Variants in ANKRD28 observed in about 807,000 individuals in gnomAD.
The protein encoded by ANKRD28 is serine/threonine-protein phosphatase 6 regulatory ankyrin repeat subunit A.
Under a neutral mutation model 126.5 loss-of-function variants are expected in ANKRD28, and 44 were observed. The observed-to-expected ratio is 0.35, with a 90% confidence interval of 0.27 to 0.45. ANKRD28 has a LOEUF of 0.45. Ranked by LOEUF, ANKRD28 falls within the 20% of genes least tolerant of loss-of-function variation. ANKRD28 has a pLI of 1.00. For missense variants in ANKRD28, 1,110 were observed against 1,316.6 expected (o/e 0.84, Z 2.43); for synonymous variants, 442 against 468.5 (o/e 0.94, Z 0.73).
intron 3 of ANKRD28, among the ~76,000 whole-genome samples, chr3:15,755,084 G>A (rs147101602): frequency 3.3e-5 from 5 of 152,090 alleles, no homozygotes; most frequent in Non-Finnish European, 5.9e-5. Context: ...AGCCTAGACC[G>A]TGCCATTGCA....
At chr3:15,819,152 C>T (rs2060891011) in intron 1 of ANKRD28, among the ~76,000 whole-genome samples, 1 of 152,128 alleles carries the variant, frequency 6.6e-6, no homozygotes, top group African/African-American at 2.4e-5. Flanking sequence ...ATGGCGTCCA[C>T]CTGTAGTCCC....
chr3:15,699,851 G>A (rs1258301369), intron 14 of ANKRD28, among the ~76,000 whole-genome samples: 3 of 152,206 alleles, frequency 2.0e-5, no homozygotes, highest in Non-Finnish European at 4.4e-5. Flanking sequence ...TCTAGAACTA[G>A]AAATACCATT....
chr3:15,715,049 T>A (rs1055300369), intron 8 of ANKRD28, among the ~76,000 whole-genome samples: 8 of 148,522 alleles, frequency 5.4e-5, no homozygotes, highest in Non-Finnish European at 1.1e-4. Context: ...TTTAAAAAAA[T>A]AAATACAAAT....
chr3:15,760,656 C>T (rs1575576123), intron 3 of ANKRD28, among the ~76,000 whole-genome samples: 1 of 151,860 alleles, frequency 6.6e-6, no homozygotes, highest in African/African-American at 2.4e-5. Context: ...GAAGAGGAGA[C>T]CTCAAAGAAA....
At chr3:15,694,554 C>T (rs1336436445) in intron 17 of ANKRD28, among the ~76,000 whole-genome samples, 185 bp downstream of exon 17, 1 of 141,378 alleles carries the variant, frequency 7.1e-6, no homozygotes, top group East Asian at 2.0e-4. Context: ...ACAGAAAAAA[C>T]AAAAACAAAA....
At position 15,677,025 on chromosome 3, in the gene ANKRD28, T is replaced by G. The variant is rs755489229; in HGVS notation, c.2822A>C (p.Glu941Ala). The change falls in exon 26 of 28, where the codon GAA becomes GCA. Residue 941 changes from glutamate to alanine, a missense_variant. Glu to Ala is a moderately radical substitution (Grantham distance 107). Transcript: ENST00000683139. ...GHETSALLILEKITDRNLINA... is the reference protein window; with the variant it reads ...GHETSALLILAKITDRNLINA... ...GATGAGGTTTCTATCTGTTATCTTT[T>G]CCAGTATTAACAAGGCACTAGTTTC... 3.1e-6 allele frequency: 5 copies of G among 1,613,466 alleles called. No homozygotes were observed. Among genetic ancestry groups the G allele is most frequent in the Non-Finnish European group, 4.2e-6 (5 of 1,179,608 alleles).
At chr3:15,730,913 A>T (rs1168439337) in intron 6 of ANKRD28, among the ~76,000 whole-genome samples, 1 of 152,138 alleles carries the variant, frequency 6.6e-6, no homozygotes, top group African/African-American at 2.4e-5. Context: ...GTCCTCACGA[A>T]CATATCAATG....
At position 15,782,198 on chromosome 3, in the gene ANKRD28, C is replaced by T. The variant is rs993295510; in HGVS notation, c.201+13025G>A. 3.9e-5 allele frequency among the ~76,000 whole-genome samples: 6 copies of T among 151,986 alleles called. No individual in the cohort carries two copies. In the East Asian group the frequency reaches 5.8e-4, roughly 15 times the overall value. ...GTGATATCACCTCCAACGAGAATGA[C>T]GGATCACAGAGAACAGAGTGTTCTG... On this transcript the variant is annotated intron_variant, in intron 2 of 27. Coordinates refer to ENST00000683139, the MANE Select transcript of ANKRD28 (RefSeq NM_001349278.2).
upstream of ANKRD28, among the ~76,000 whole-genome samples, chr3:15,799,427 T>A (rs182999999): frequency 6.6e-5 from 10 of 152,054 alleles, no homozygotes; most frequent in Admixed American, 5.9e-4. Flanking sequence ...AAGCAATAAC[T>A]CTAACATATT....
At chr3:15,794,854 C>G (rs1007989763) in intron 2 of ANKRD28, among the ~76,000 whole-genome samples, 5 of 152,152 alleles carry the variant, frequency 3.3e-5, no homozygotes, top group Non-Finnish European at 7.4e-5. Context: ...GGTGAAGTAT[C>G]ATGATTTCTG....
chr3:15,771,241 C>T (rs2058988537), intron 2 of ANKRD28, among the ~76,000 whole-genome samples: 1 of 152,006 alleles, frequency 6.6e-6, no homozygotes, highest in South Asian at 2.1e-4. Flanking sequence ...GAAACACTAT[C>T]TCTACTAAAA....
chr3:15,850,204 A>AAAT lies in ANKRD28; in HGVS notation c.27+9172_27+9173insATT, dbSNP rs1486394619. Reference sequence around the variant, plus strand: ...TCTACATGCAATAAAAAAAAAAAAAAATATATATATATATATATATAGAGA... The same window carrying AAAT: ...TCTACATGCAATAAAAAAAAAAAAAAAATATATATATATATATATATATAGAGA... On this transcript the variant is annotated intron_variant, in intron 1 of 27. Transcript: ENST00000399451. Among the ~76,000 whole-genome samples, 89 of 54,816 alleles carry AAAT rather than the reference A, an allele frequency of 1.6e-3. 2 individuals are homozygous for AAAT. Among genetic ancestry groups the AAAT allele is most frequent in the Non-Finnish European group, 2.0e-3 (53 of 25,964 alleles). 36.0% of individuals were successfully genotyped at this position (54,816 alleles called of 152,430 possible).
chr3:15,778,911 G>A (rs988236249), intron 2 of ANKRD28, among the ~76,000 whole-genome samples: 2 of 152,258 alleles, frequency 1.3e-5, no homozygotes, highest in South Asian at 4.2e-4. Flanking sequence ...TGAGTCTCAG[G>A]AGATCTGATG....
At chr3:15,832,577 C>G (rs1427590831) in intron 1 of ANKRD28, among the ~76,000 whole-genome samples, 1 of 152,126 alleles carries the variant, frequency 6.6e-6, no homozygotes, top group Non-Finnish European at 1.5e-5. Flanking sequence ...ATAGTGAACA[C>G]TGTATCCAAC....
chr3:15,716,605 A>G (rs1042774506), intron 8 of ANKRD28, among the ~76,000 whole-genome samples: 3 of 152,110 alleles, frequency 2.0e-5, no homozygotes, highest in African/African-American at 4.8e-5. Flanking sequence ...ATTTTTACAG[A>G]CATAAGGAAA....
chr3:15,821,972 G>T (rs1256417908), intron 1 of ANKRD28, among the ~76,000 whole-genome samples: 1 of 152,138 alleles, frequency 6.6e-6, no homozygotes, highest in East Asian at 1.9e-4. Context: ...GTGTGTAACA[G>T]GTAACAACTG....
At chr3:15,828,238 G>A (rs907213991) in intron 1 of ANKRD28, among the ~76,000 whole-genome samples, 13 of 152,154 alleles carry the variant, frequency 8.5e-5, no homozygotes, top group Non-Finnish European at 1.8e-4. Context: ...TGGTAAATAA[G>A]TTATTTTCTA....
chr3:15,806,843 C>T (rs555926262), intron 1 of ANKRD28, among the ~76,000 whole-genome samples: 59 of 152,252 alleles, frequency 3.9e-4, no homozygotes, highest in Non-Finnish European at 6.8e-4. Context: ...CTTAATGGGC[C>T]TTCCACCAGT....
At chr3:15,680,878 G>A (rs1474951740) in intron 21 of ANKRD28, among the ~76,000 whole-genome samples, 1 of 152,062 alleles carries the variant, frequency 6.6e-6, no homozygotes, top group Non-Finnish European at 1.5e-5. Context: ...TGTTGCTCAG[G>A]CTGGTCTTGA....
Sources: allele counts gnomAD v4.1 joint callset (sites outside exome capture counted in the v4.1 genomes callset), GRCh38; gene constraint gnomAD v4.1.1; transcripts MANE v1.5; gene names NCBI Gene and HGNC (gene_info 2026-07-23, HGNC 2026-07-21).